The following CNTN3 variants were observed in gnomAD, a reference collection of about 807,000 sequenced individuals.
CNTN3 encodes contactin 3.
Under a neutral mutation model 119.1 loss-of-function variants are expected in CNTN3, and 60 were observed. The ratio of observed to expected loss-of-function variants is 0.50; its 90% confidence interval spans 0.41 to 0.62. The LOEUF (loss-of-function observed/expected upper bound fraction) is 0.62. Among genes scored for constraint, CNTN3 ranks in the 20% least tolerant of loss-of-function variants. The pLI is 0.00. For synonymous variants in CNTN3, 450 were observed against 438.7 expected (o/e 1.03, Z -0.32); for missense variants, 1,101 against 1,242.4 (o/e 0.89, Z 1.71).
chr3:74,489,444 T>TTCCCTTCC (rs78572637), intron 3 of CNTN3, among the ~76,000 whole-genome samples: 11 of 147,134 alleles, frequency 7.5e-5, no homozygotes, highest in Non-Finnish European at 4.5e-5. Context: ...CTTTTCTTCC[T>TTCCCTTCC]TCCCTTCCTC....
At chr3:74,587,466 A>C (rs1322319690) in intron 1 of CNTN3, among the ~76,000 whole-genome samples, 2 of 152,032 alleles carry the variant, frequency 1.3e-5, no homozygotes, top group African/African-American at 4.8e-5. Flanking sequence ...CAAAATTGTG[A>C]TTCCATCAAC....
intron 4 of CNTN3, among the ~76,000 whole-genome samples, chr3:74,479,814 G>A (rs1264396171): frequency 2.0e-5 from 3 of 151,850 alleles, no homozygotes; most frequent in African/African-American, 2.4e-5. Flanking sequence ...ATGGCTCTAG[G>A]ATATAATTCT....
chr3:74,459,275 G>A (rs7428834), intron 4 of CNTN3, among the ~76,000 whole-genome samples: 80,022 of 151,682 alleles, frequency 0.53, 21,418 homozygotes, highest in Non-Finnish European at 0.55. Context: ...TCCTCATGCC[G>A]AATCAATCTA....
Position 74,369,955 on chromosome 3 carries a change from T to C in CNTN3, c.695A>G (p.Gln232Arg). The C allele has an allele frequency of 4.4e-6, 7 of 1,606,110 alleles. No individual in the cohort carries two copies. The highest frequency in any genetic ancestry group is 6.0e-6 in the Non-Finnish European group (7 of 1,174,090). ...MGEYEPKIEV[Q>R]FPETLPAAKG... ...AGCTGCTGGAAGAGTTTCTGGAAACTGAACTTCTATTTTAGGTTCATATTC... is the reference window on the plus strand; with the variant it reads ...AGCTGCTGGAAGAGTTTCTGGAAACCGAACTTCTATTTTAGGTTCATATTC... Residue 232 changes from glutamine to arginine, a missense_variant, in exon 7 of 23, where the codon CAG becomes CGG. Coordinates refer to ENST00000263665, the MANE Select transcript of CNTN3 (RefSeq NM_020872.3).
chr3:74,323,678 C>T (rs1352917998), intron 13 of CNTN3, among the ~76,000 whole-genome samples: 1 of 152,108 alleles, frequency 6.6e-6, no homozygotes, highest in African/African-American at 2.4e-5. Context: ...TCAGCAGATA[C>T]CATTTTTCTC....
chr3:74,526,880 A>G (rs1307970811), intron 1 of CNTN3, among the ~76,000 whole-genome samples: 4 of 151,756 alleles, frequency 2.6e-5, no homozygotes, highest in African/African-American at 9.7e-5. Context: ...CCTACTAGAT[A>G]ATAATCTTCA....
At chr3:74,514,022 A>T (rs1000100025) in intron 2 of CNTN3, among the ~76,000 whole-genome samples, 8 of 151,968 alleles carry the variant, frequency 5.3e-5, no homozygotes, top group African/African-American at 1.9e-4. Flanking sequence ...CAAGTGATAA[A>T]TATCAACAAT....
chr3:74,565,883 G>A (rs1481048179), intron 1 of CNTN3, among the ~76,000 whole-genome samples: 1 of 152,100 alleles, frequency 6.6e-6, no homozygotes, highest in Admixed American at 6.5e-5. Flanking sequence ...GTCATGGGAG[G>A]GACTGGTAGG....
Position 74,470,447 on chromosome 3 carries a change from G to T in CNTN3, c.358+16009C>A, listed in dbSNP as rs557662873. Among the ~76,000 whole-genome samples, 16 of 152,238 alleles carry T rather than the reference G, an allele frequency of 1.1e-4. 1 individual carries two copies. The South Asian group carries it at 3.3e-3, about 32-fold the overall frequency. On this transcript the variant is annotated intron_variant, in intron 4 of 22. Coordinates refer to ENST00000263665, the MANE Select transcript of CNTN3 (RefSeq NM_020872.3). ...CAGGACCATAGTCAGAACATACAGT[G>T]CCTGTGTAGGAATTATAAAAAGCTG...
At position 74,265,023 on chromosome 3, in the gene CNTN3, A is replaced by C. The variant is rs1701640058; in HGVS notation, c.2987-522T>G. ...GGGAAAAACAACTTAATCATTTTGAAAACAATTATACTTGATTACAAACAA... is the reference window on the plus strand; with the variant it reads ...GGGAAAAACAACTTAATCATTTTGACAACAATTATACTTGATTACAAACAA... On this transcript the variant is annotated intron_variant, in intron 22 of 22. Transcript: ENST00000263665. Among the ~76,000 whole-genome samples, 2 of 152,206 alleles carry C rather than the reference A, an allele frequency of 1.3e-5. 1 individual carries two copies. Among genetic ancestry groups the C allele is most frequent in the Admixed American group, 1.3e-4 (2 of 15,262 alleles).
In CNTN3 at chr3:74,377,036, G is replaced by A. The variant is rs140875048; in HGVS notation, c.455-5637C>T. 4.2e-3 allele frequency among the ~76,000 whole-genome samples: 635 copies of A among 151,652 alleles called. 3 individuals are homozygous for A. Among genetic ancestry groups the A allele is most frequent in the Non-Finnish European group, 7.2e-3 (488 of 67,930 alleles). ...GATTATAAGATCAATATAATGTTGA[G>A]GTATTCCAAAAGAGATATCAAACTA... On this transcript the variant is annotated intron_variant, in intron 5 of 22. Coordinates refer to ENST00000263665, the MANE Select transcript of CNTN3 (RefSeq NM_020872.3).
In CNTN3 at chr3:74,424,860, G is replaced by A. The variant is rs1378266665; in HGVS notation, c.439C>T (p.Pro147Ser). 1 of 1,613,502 alleles carries A rather than the reference G, an allele frequency of 6.2e-7. No individual in the cohort carries two copies. Among genetic ancestry groups the A allele is most frequent in the South Asian group, 1.1e-5 (1 of 91,034 alleles). ...GQGVVLLCGP[P>S]PHSGELSYAW... ...CATGACTTACCTCCAGAGTGTGGTG[G>A]GGGGCCGCAGAGCAGCACAACTCCC... Residue 147 changes from proline (P) to serine (S), a missense_variant, in exon 5 of 23, where the codon CCA (proline) becomes TCA (serine). Transcript: ENST00000263665.
intron 13 of CNTN3, among the ~76,000 whole-genome samples, chr3:74,313,555 T>C (rs1363115228): frequency 6.6e-6 from 1 of 152,172 alleles, no homozygotes; most frequent in Non-Finnish European, 1.5e-5. Context: ...ATCACTGACA[T>C]GAGGCAGTTG....
At chr3:74,334,459 A>G (rs946784914) in intron 13 of CNTN3, among the ~76,000 whole-genome samples, 2 of 152,212 alleles carry the variant, frequency 1.3e-5, no homozygotes, top group African/African-American at 2.4e-5. Context: ...CTTCGTTTCC[A>G]TAAGACATTA....
intron 1 of CNTN3, among the ~76,000 whole-genome samples, chr3:74,598,996 A>G (rs1029665459): frequency 6.6e-6 from 1 of 152,094 alleles, no homozygotes; most frequent in Non-Finnish European, 1.5e-5. Context: ...AGCAATATGA[A>G]AAGCATCATA....
At chr3:74,448,970 G>C (rs1329987168) in intron 4 of CNTN3, among the ~76,000 whole-genome samples, 1 of 151,872 alleles carries the variant, frequency 6.6e-6, no homozygotes, top group African/African-American at 2.4e-5. Flanking sequence ...TTTCCATTTT[G>C]GTTTCAGCGA....
In CNTN3 at chr3:74,264,038, A is replaced by G. The variant is rs1701622636; in HGVS notation, c.*363T>C. On this transcript the variant is annotated 3_prime_UTR_variant, in exon 23 of 23. Coordinates refer to ENST00000263665, the MANE Select transcript of CNTN3 (RefSeq NM_020872.3). ...AATGCTATTATAATGGGAAAATAGCATTTGAATTAAATGAAAGAGTTTTTC... is the reference window on the plus strand; with the variant it reads ...AATGCTATTATAATGGGAAAATAGCGTTTGAATTAAATGAAAGAGTTTTTC... The G allele has an allele frequency of 6.3e-6, 1 of 158,492 alleles. No individual in the cohort carries two copies. The highest frequency in any genetic ancestry group is 1.4e-5 in the Non-Finnish European group (1 of 72,212). 9.8% of individuals were successfully genotyped at this position (158,492 alleles called of 1,614,324 possible). A position where few individuals can be genotyped will look rare whatever the true frequency, so the allele number is the denominator to read the frequency against.
intron 2 of CNTN3, among the ~76,000 whole-genome samples, chr3:74,507,685 G>T (rs1484259151): frequency 2.2e-5 from 3 of 137,258 alleles, no homozygotes; most frequent in Non-Finnish European, 4.5e-5. Context: ...AGGCTGCAGT[G>T]CAGTGGCCCA....
intron 1 of CNTN3, among the ~76,000 whole-genome samples, chr3:74,524,050 G>A (rs1703580686): frequency 6.6e-6 from 1 of 151,902 alleles, no homozygotes; most frequent in Non-Finnish European, 1.5e-5. Context: ...CAAAGGATAA[G>A]TCACAGCATG....
Sources: gnomAD v4.1 joint callset for allele counts (sites outside exome capture counted in the v4.1 genomes callset) on GRCh38, gnomAD v4.1.1 for gene constraint, MANE v1.5 for transcripts, NCBI Gene and HGNC (gene_info 2026-07-23, HGNC 2026-07-21) for gene names.